ARSG: variants seen among roughly 807,000 people sequenced by gnomAD.
The protein encoded by ARSG is ASG.
A neutral mutation model predicts 50.5 loss-of-function variants in ARSG; 37 were observed. The observed-to-expected ratio is 0.73, with a 90% CI of 0.56 to 0.96. ARSG has a LOEUF of 0.96. ARSG is among the 50% of genes least tolerant of loss of function. The pLI, the probability that ARSG is intolerant of heterozygous loss-of-function variation, is 0.00. For missense variants in ARSG, 629 were observed against 675.3 expected (o/e 0.93, Z 0.76); for synonymous variants, 225 against 254.6 (o/e 0.88, Z 1.11).
chr17:68,434,480 C>T, the ARSG span: 4 of 1,515,950 alleles, frequency 2.6e-6, no homozygotes, highest in Admixed American at 1.8e-5. Flanking sequence ...TCTCTGTCCT[C>T]TCCCTAGACA....
At chr17:68,281,514 G>T (rs1180841407) in intron 1 of ARSG, among the ~76,000 whole-genome samples, 2 of 152,186 alleles carry the variant, frequency 1.3e-5, no homozygotes, top group African/African-American at 4.8e-5. Context: ...GGTGGAGGTT[G>T]CAGTGAGCCG....
intron 2 of ARSG, among the ~76,000 whole-genome samples, chr17:68,315,528 A>C (rs781919407): frequency 6.6e-6 from 1 of 150,460 alleles, no homozygotes; most frequent in Non-Finnish European, 1.5e-5. Flanking sequence ...TCCTGTCTCA[A>C]AAAAAAAAGG....
intron 1 of ARSG, among the ~76,000 whole-genome samples, chr17:68,295,745 T>C (rs2076183047): frequency 6.8e-6 from 1 of 146,440 alleles, no homozygotes; most frequent in Non-Finnish European, 1.5e-5. Context: ...AGTGGCGCGA[T>C]CTTGGCTCAC....
chr17:68,388,652 C>T (rs577864211), intron 9 of ARSG, among the ~76,000 whole-genome samples: 20 of 152,270 alleles, frequency 1.3e-4, no homozygotes, highest in South Asian at 6.2e-4. Context: ...TAAGGCCGGA[C>T]GCAGTGGCTC....
chr17:68,365,355 G>A (rs1342243847), intron 6 of ARSG, among the ~76,000 whole-genome samples: 1 of 152,158 alleles, frequency 6.6e-6, no homozygotes, highest in Non-Finnish European at 1.5e-5. Context: ...TTTATTAGAT[G>A]CTTAGTGTGG....
chr17:68,365,472 G>A (rs1251235665), intron 6 of ARSG, among the ~76,000 whole-genome samples: 1 of 152,186 alleles, frequency 6.6e-6, no homozygotes, highest in Non-Finnish European at 1.5e-5. Context: ...CAAATCTGGA[G>A]GTTTGGATGC....
At chr17:68,284,075 A>C (rs2075785428) in intron 1 of ARSG, among the ~76,000 whole-genome samples, 2 of 147,788 alleles carry the variant, frequency 1.4e-5, no homozygotes, top group South Asian at 4.5e-4. Flanking sequence ...TAGAGTGAGC[A>C]ATAGAGCAAT....
intron 1 of ARSG, among the ~76,000 whole-genome samples, chr17:68,284,278 G>A (rs1208278843): frequency 6.6e-6 from 1 of 152,000 alleles, no homozygotes; most frequent in Non-Finnish European, 1.5e-5. Flanking sequence ...GCACGTGCCT[G>A]TAGTCCCAGC....
chr17:68,405,395 G>T (rs191311038), intron 11 of ARSG, among the ~76,000 whole-genome samples: 94 of 152,104 alleles, frequency 6.2e-4, no homozygotes, highest in African/African-American at 2.1e-3. Context: ...CATTATGCAA[G>T]TCTTTCACTT....
At chr17:68,434,805 A>C in the ARSG span, among the ~76,000 whole-genome samples, 1 of 152,236 alleles carries the variant, frequency 6.6e-6, no homozygotes, top group Admixed American at 6.5e-5. Context: ...GGAAAATGTT[A>C]TAAACACCCT....
At chr17:68,387,933 G>A (rs2080806970) in intron 9 of ARSG, among the ~76,000 whole-genome samples, 1 of 152,138 alleles carries the variant, frequency 6.6e-6, no homozygotes. Flanking sequence ...GATCCCATTG[G>A]TTTTAGAGAT....
intron 6 of ARSG, among the ~76,000 whole-genome samples, chr17:68,358,003 A>G (rs2079110659): frequency 6.6e-6 from 1 of 152,022 alleles, no homozygotes; most frequent in Non-Finnish European, 1.5e-5. Context: ...TAGGAGTTCA[A>G]GACTAGCTGG....
At chr17:68,362,878 T>A (rs2079363639) in intron 6 of ARSG, among the ~76,000 whole-genome samples, 1 of 152,166 alleles carries the variant, frequency 6.6e-6, no homozygotes, top group African/African-American at 2.4e-5. Flanking sequence ...AGGGTGGAAA[T>A]CATATCTATT....
upstream of ARSG, among the ~76,000 whole-genome samples, chr17:68,290,467 G>C (rs2075947330): frequency 1.3e-5 from 2 of 152,234 alleles, no homozygotes; most frequent in African/African-American, 2.4e-5. Flanking sequence ...AGTTGCGCGG[G>C]ACCGGCCGTC....
At chr17:68,407,569 T>A (rs2081785990) in intron 11 of ARSG, among the ~76,000 whole-genome samples, 1 of 152,140 alleles carries the variant, frequency 6.6e-6, no homozygotes, top group South Asian at 2.1e-4. Flanking sequence ...GCAGAGGTCT[T>A]TCACCTCCTT....
rs377678782 is a variant in ARSG at position 68,336,272 on chromosome 17, C to T, written c.219-7332C>T. Among the ~76,000 whole-genome samples the T allele has an allele frequency of 1.1e-3, 167 of 151,514 alleles. 7 individuals are homozygous for T. In the South Asian group the frequency reaches 0.031, roughly 28 times the overall value. Reference sequence around the variant, plus strand: ...TCGCCCAGGCTGCAGTGCAGTGGCACGATCTCAGCTCACTGCAACCTCCTT... The same window carrying T: ...TCGCCCAGGCTGCAGTGCAGTGGCATGATCTCAGCTCACTGCAACCTCCTT... On this transcript the variant is annotated intron_variant, in intron 2 of 11. Transcript: ENST00000621439.
intron 2 of ARSG, among the ~76,000 whole-genome samples, chr17:68,313,743 A>G (rs935657255): frequency 2.1e-5 from 3 of 142,618 alleles, no homozygotes; most frequent in Non-Finnish European, 4.5e-5. Context: ...GCAGTGGTGC[A>G]ATCTTGGCTC....
chr17:68,269,955 G>A (rs1479731498), intron 1 of ARSG, among the ~76,000 whole-genome samples: 2 of 152,148 alleles, frequency 1.3e-5, no homozygotes, highest in African/African-American at 2.4e-5. Context: ...TTAGAGGCAT[G>A]AGCCACTGCG....
the ARSG span, chr17:68,450,662 T>C: frequency 0.28 from 434,589 of 1,525,504 alleles, 64,183 homozygotes; most frequent in Non-Finnish European, 0.31. Context: ...TCTTGAAAGA[T>C]GTCCATCTTT....
Sources: allele counts gnomAD v4.1 joint callset (sites outside exome capture counted in the v4.1 genomes callset), GRCh38; gene constraint gnomAD v4.1.1; transcripts MANE v1.5; gene names NCBI Gene and HGNC (gene_info 2026-07-23, HGNC 2026-07-21).